The following AFAP1L2 variants were observed in gnomAD, a reference collection of about 807,000 sequenced individuals.
AFAP1L2 encodes the protein actin filament associated protein 1 like 2.
In AFAP1L2, 46 loss-of-function variants were observed where a neutral mutation model predicts 99.3. That is an observed-to-expected ratio of 0.46 (90% confidence interval 0.37 to 0.59). The LOEUF (loss-of-function observed/expected upper bound fraction) is 0.59. Among genes scored for constraint, AFAP1L2 ranks in the 20% least tolerant of loss-of-function variants. The probability of loss-of-function intolerance (pLI) is 0.00; values close to 1 mark genes in which losing one functional copy is unlikely to be tolerated. For missense variants in AFAP1L2, 959 were observed against 1,034.9 expected (o/e 0.93, Z 1.01); for synonymous variants, 397 against 419.1 (o/e 0.95, Z 0.64).
Position 114,377,149 on chromosome 10 carries a change from C to T in AFAP1L2, c.16+27291G>A, listed in dbSNP as rs368651719. On this transcript the variant is annotated intron_variant, in intron 1 of 18. Transcript: ENST00000304129. This position sits in a 1 kb window ranked among gnomAD's most constrained non-coding sequence, Gnocchi z 4.0. ...CACCCATCTCCTTCCTAGTCCCAGACTTCCCAAGTCAAAGAACACTTCTGA... is the reference window on the plus strand; with the variant it reads ...CACCCATCTCCTTCCTAGTCCCAGATTTCCCAAGTCAAAGAACACTTCTGA... Among the ~76,000 whole-genome samples, 15 of 152,354 alleles carry T rather than the reference C, an allele frequency of 9.8e-5. No individual in the cohort carries two copies. Among genetic ancestry groups the T allele is most frequent in the African/African-American group, 2.6e-4 (11 of 41,576 alleles).
At chr10:114,324,396 A>ACC (rs56354768) in intron 4 of AFAP1L2, among the ~76,000 whole-genome samples, 5 of 126,522 alleles carry the variant, frequency 4.0e-5, no homozygotes, top group African/African-American at 1.1e-4. Flanking sequence ...GGGGTGCACC[A>ACC]CCCCCCCCCC....
At chr10:114,288,856 C>T in the AFAP1L2 span, 1 of 1,499,486 alleles carries the variant, frequency 6.7e-7, no homozygotes, top group Non-Finnish European at 9.0e-7. Context: ...CTTGGTCCTA[C>T]CCAACCTGGC....
intron 1 of AFAP1L2, among the ~76,000 whole-genome samples, chr10:114,386,928 A>G (rs937279222): frequency 1.3e-5 from 2 of 152,240 alleles, no homozygotes; most frequent in Middle Eastern, 3.2e-3. Context: ...CATTCCCTGC[A>G]GGACTGGAAT....
intron 1 of AFAP1L2, among the ~76,000 whole-genome samples, chr10:114,366,291 T>G (rs994577940): frequency 2.0e-5 from 3 of 152,104 alleles, no homozygotes; most frequent in African/African-American, 4.8e-5. Context: ...GCATGCTTGG[T>G]AGGGATTCTG....
At chr10:114,285,287 CAG>C in the AFAP1L2 span, among the ~76,000 whole-genome samples, 3 of 152,324 alleles carry the variant, frequency 2.0e-5, no homozygotes, top group East Asian at 1.9e-4. Flanking sequence ...CAGTCCTGGG[CAG>C]AGTCTTTTCT....
At chr10:114,395,576 C>T (rs1273766648) in intron 1 of AFAP1L2, among the ~76,000 whole-genome samples, 1 of 152,076 alleles carries the variant, frequency 6.6e-6, no homozygotes, top group African/African-American at 2.4e-5. Context: ...GACTTGAATA[C>T]AGTGAACATG....
chr10:114,300,535 G>A lies in AFAP1L2; in HGVS notation c.1698C>T (p.Asp566=), dbSNP rs776877525. The A allele has an allele frequency of 1.1e-5, 18 of 1,614,142 alleles. No individual in the cohort carries two copies. Among genetic ancestry groups the A allele is most frequent in the Non-Finnish European group, 1.4e-5 (16 of 1,180,012 alleles). ...CTGCCGGGAGGGCCTCAGTTGCATT[G>A]TCCAGGCAGGACAACGTCGGGGAGG... The part of the protein sequence containing the change: ...QASSPTLSCL[D]NATEALPADS... The change falls in exon 14 of 19, where the codon GAC becomes GAT. Residue 566 remains aspartate (D), a synonymous_variant. Coordinates refer to ENST00000304129, the MANE Select transcript of AFAP1L2 (RefSeq NM_001001936.3).
rs376552522 is a variant in AFAP1L2, at chr10:114,301,424, T to A, written c.1472A>T (p.Asp491Val). 8 of 1,614,072 alleles carry A rather than the reference T, an allele frequency of 5.0e-6. No individual in the cohort carries two copies. Among genetic ancestry groups the A allele is most frequent in the Non-Finnish European group, 5.9e-6 (7 of 1,180,022 alleles). ...CTGGCGGTCCTGGCTAGGCAGGCCA[T>A]CGATGTAAGTGTTGGGCTCTGAGAA... Reference protein sequence around the residue: ...RKFSEPNTYIDGLPSQDRQEE... With the variant: ...RKFSEPNTYIVGLPSQDRQEE... Residue 491 changes from aspartate to valine, a missense_variant, in exon 13 of 19, where the codon GAT becomes GTT. Asp to Val is a radical substitution (Grantham distance 152). Around this residue, in one of 2 missense-constraint regions of AFAP1L2, gnomAD observed 576 missense variants for 562.1 expected, o/e 1.02. Transcript: ENST00000304129.
At chr10:114,355,249 G>A (rs12761333) in intron 1 of AFAP1L2, among the ~76,000 whole-genome samples, 1 of 119,992 alleles carries the variant, frequency 8.3e-6, no homozygotes, top group Non-Finnish European at 1.6e-5. Flanking sequence ...TTCTCTTCTC[G>A]CTCTCTCTTT....
In AFAP1L2 at chr10:114,377,621, C is replaced by T. The variant is rs552861977; in HGVS notation, c.16+26819G>A. Among the ~76,000 whole-genome samples, 24 of 152,166 alleles carry T rather than the reference C, an allele frequency of 1.6e-4. No homozygotes were observed. Among genetic ancestry groups the T allele is most frequent in the African/African-American group, 4.8e-4 (20 of 41,432 alleles). On this transcript the variant is annotated intron_variant, in intron 1 of 18. Coordinates refer to ENST00000304129, the MANE Select transcript of AFAP1L2 (RefSeq NM_001001936.3). The surrounding 1 kb of genome is among the most constrained non-coding windows in gnomAD (Gnocchi z 4.0). ...CAGTCAATGGTATAGAGTGGTTATTCGATTTCCCCAGTGTGATGATGGGGT... is the reference window on the plus strand; with the variant it reads ...CAGTCAATGGTATAGAGTGGTTATTTGATTTCCCCAGTGTGATGATGGGGT...
At chr10:114,392,255 T>C (rs923185253) in intron 1 of AFAP1L2, among the ~76,000 whole-genome samples, 1 of 152,112 alleles carries the variant, frequency 6.6e-6, no homozygotes, top group Non-Finnish European at 1.5e-5. Flanking sequence ...TCAGGTGTGG[T>C]AGTGTGCACC....
At position 114,315,646 on chromosome 10, in the gene AFAP1L2, C is replaced by T. The variant is rs139300071; in HGVS notation, c.526G>A (p.Ala176Thr). 208 of 1,613,860 alleles carry T rather than the reference C, an allele frequency of 1.3e-4. No homozygotes were observed. Among genetic ancestry groups the T allele is most frequent in the African/African-American group, 1.0e-3 (75 of 74,952 alleles). Reference sequence around the variant, plus strand: ...CGCCACAGGAAGGCGCAGATGCGGGCGTCACGCATCAGCTCGATGCCGGCC... The same window carrying T: ...CGCCACAGGAAGGCGCAGATGCGGGTGTCACGCATCAGCTCGATGCCGGCC... Reference protein sequence around the residue: ...PEAGIELMRDARICAFLWRKK... With the variant: ...PEAGIELMRDTRICAFLWRKK... Residue 176 changes from alanine to threonine, a missense_variant, in exon 6 of 19, where the codon GCC becomes ACC. Ala to Thr is a moderately conservative substitution (Grantham distance 58). Transcript: ENST00000304129.
chr10:114,373,722 A>G (rs68092730), intron 1 of AFAP1L2, among the ~76,000 whole-genome samples: 6,844 of 152,258 alleles, frequency 0.045, 185 homozygotes, highest in Middle Eastern at 0.082. Flanking sequence ...GCTTCCCCAA[A>G]AGGAGGACAC....
chr10:114,318,853 A>G (rs2044610820), intron 5 of AFAP1L2, among the ~76,000 whole-genome samples: 1 of 152,096 alleles, frequency 6.6e-6, no homozygotes. Flanking sequence ...ACAGCACACC[A>G]CAAACATTGC....
At chr10:114,302,291 A>C in intron 12 of AFAP1L2, 48 bp downstream of exon 12, 7 of 1,601,576 alleles carry the variant, frequency 4.4e-6, no homozygotes, top group Non-Finnish European at 5.1e-6. Flanking sequence ...GGCCTACAGC[A>C]TGGCCAGGAA....
chr10:114,319,713 C>T, intron 5 of AFAP1L2: 1 of 1,154,348 alleles, frequency 8.7e-7, no homozygotes. Flanking sequence ...GGAGCACGCC[C>T]AAGTGCAGAG....
chr10:114,282,589 G>A, the AFAP1L2 span: 3 of 1,613,144 alleles, frequency 1.9e-6, no homozygotes, highest in Non-Finnish European at 2.5e-6. Context: ...CTGTCTCTTG[G>A]ATTTACAGGT....
In AFAP1L2 at chr10:114,375,303, T is replaced by A. The variant is rs371061894; in HGVS notation, c.16+29137A>T. On this transcript the variant is annotated intron_variant, in intron 1 of 18. Transcript: ENST00000304129. ...TTGAGTCATTGCAACACAGAATATA[T>A]GACCACAAATCCTAGAATATTTCCT... 6.5e-4 allele frequency among the ~76,000 whole-genome samples: 99 copies of A among 152,298 alleles called. No homozygotes were observed. The East Asian group carries it at 0.011, about 16-fold the overall frequency.
chr10:114,383,043 T>A (rs2137512724), intron 1 of AFAP1L2, among the ~76,000 whole-genome samples: 1 of 152,160 alleles, frequency 6.6e-6, no homozygotes, highest in South Asian at 2.1e-4. Flanking sequence ...TCACATGTAC[T>A]CCATAAATAC....
Sources: gnomAD v4.1 joint callset for allele counts (sites outside exome capture counted in the v4.1 genomes callset) on GRCh38, gnomAD v4.1.1 for gene constraint, gnomAD v4.1.1 regional missense constraint, Gnocchi (gnomAD v3.1) non-coding constraint, MANE v1.5 for transcripts, NCBI Gene and HGNC (gene_info 2026-07-23, HGNC 2026-07-21) for gene names.